CD69: variants seen among roughly 807,000 people sequenced by gnomAD.
CD69 encodes early activation antigen CD69.
A neutral mutation model predicts 21.4 loss-of-function variants in CD69; 10 were observed. The observed-to-expected ratio is 0.47, with a 90% CI of 0.29 to 0.79. CD69 has a LOEUF of 0.79. CD69 is among the 30% of genes least tolerant of loss of function. The probability of loss-of-function intolerance (pLI) is 0.09; values close to 1 mark genes in which losing one functional copy is unlikely to be tolerated. For missense variants in CD69, 204 were observed against 236.9 expected, an observed-to-expected ratio of 0.86 and a Z score of 0.91; for synonymous variants, 63 against 78.2, an observed-to-expected ratio of 0.81 and a Z score of 1.03.
In CD69 at chr12:9,753,471, T is replaced by C. The variant is rs1051065; in HGVS notation, c.*10A>G. The C allele has an allele frequency of 0.73, 828,002 of 1,137,874 alleles. 307,453 individuals are homozygous for C. Among genetic ancestry groups the C allele is most frequent in the East Asian group, 0.97 (40,764 of 42,152 alleles). 70.5% of individuals were successfully genotyped at this position (1,137,874 alleles called of 1,614,324 possible). A position where few individuals can be genotyped will look rare whatever the true frequency, so the allele number is the denominator to read the frequency against. ...TTCTATAATAGTCAATAAGTGAACA[T>C]GTTTCCTTATTATTTGTAAGGTTTG... On this transcript the variant is annotated 3_prime_UTR_variant, in exon 5 of 5. Coordinates refer to ENST00000228434, the MANE Select transcript of CD69 (RefSeq NM_001781.2).
intron 1 of CD69, among the ~76,000 whole-genome samples, chr12:9,759,447 G>C (rs958305839): frequency 2.0e-5 from 3 of 151,412 alleles, no homozygotes; most frequent in South Asian, 4.2e-4. Context: ...TTCTGTATTA[G>C]GTCCTTCTTT....
chr12:9,753,412 C>A lies in CD69; in HGVS notation c.*69G>T. On this transcript the variant is annotated 3_prime_UTR_variant, in exon 5 of 5. Coordinates refer to ENST00000228434, the MANE Select transcript of CD69 (RefSeq NM_001781.2). The stretch of plus-strand genomic sequence containing the variant: ...CTATGGAAGACTTCGGACCACAGAG[C>A]AGCATCCACTGACACAGATTTCCTT... The A allele has an allele frequency of 1.5e-6, 1 of 661,314 alleles. No individual in the cohort carries two copies. The highest frequency in any genetic ancestry group is 2.1e-5 in the South Asian group (1 of 48,110). The allele number at this position is 661,314 out of a possible 1,614,324, so 41.0% of individuals were successfully genotyped here.
intron 3 of CD69, 89 bp downstream of exon 3, chr12:9,754,973 G>T: frequency 9.0e-7 from 1 of 1,107,556 alleles, no homozygotes. Context: ...TTGTTTGTTT[G>T]TTTGTTTTCT....
intron 1 of CD69, among the ~76,000 whole-genome samples, chr12:9,759,054 T>G (rs186692222): frequency 1.3e-5 from 2 of 152,028 alleles, no homozygotes; most frequent in African/African-American, 4.8e-5. Flanking sequence ...CTCAGCCTCC[T>G]AAGTAGCTGG....
At chr12:9,755,338 G>T in intron 2 of CD69, 77 bp from the exon 3 acceptor site, 3 of 1,130,170 alleles carry the variant, frequency 2.7e-6, no homozygotes, top group East Asian at 4.7e-5. Context: ...GCCTTAGGAT[G>T]CTATGTTGTG....
intron 1 of CD69, among the ~76,000 whole-genome samples, chr12:9,759,527 C>A (rs766775804): frequency 6.6e-6 from 1 of 150,714 alleles, no homozygotes; most frequent in Admixed American, 6.6e-5. Context: ...TGGCGGCACA[C>A]CTGTGCCGTA....
chr12:9,752,880 T>C lies in CD69; in HGVS notation c.*601A>G, dbSNP rs7484445. The C allele has an allele frequency of 0.88, 133,907 of 152,552 alleles. 61,412 individuals carry two copies. Among genetic ancestry groups the C allele is most frequent in the East Asian group, 1 (5,188 of 5,188 alleles). The allele number at this position is 152,552 out of a possible 1,614,324, so 9.4% of individuals were successfully genotyped here. A position where few individuals can be genotyped will look rare whatever the true frequency, so the allele number is the denominator to read the frequency against. ...CTGAGGAAGTAAAAAAATAAATACA[T>C]GATCATCCCATTCTTTTTGGGGAAA... On this transcript the variant is annotated 3_prime_UTR_variant, in exon 5 of 5. Coordinates refer to ENST00000228434, the MANE Select transcript of CD69 (RefSeq NM_001781.2).
rs892283496 is a variant in CD69, at chr12:9,759,130, C to T, written c.64+1627G>A. 3.9e-5 allele frequency among the ~76,000 whole-genome samples: 6 copies of T among 152,074 alleles called. No individual in the cohort carries two copies. The East Asian group carries it at 7.7e-4, about 20-fold the overall frequency. On this transcript the variant is annotated intron_variant, in intron 1 of 4. Coordinates refer to ENST00000228434, the MANE Select transcript of CD69 (RefSeq NM_001781.2). The stretch of plus-strand genomic sequence containing the variant: ...ATTTTTAGTACAGACGGGGTTTCAT[C>T]GTGTTAGCCAGGATGGTCTCCATCT...
At chr12:9,759,022 C>T (rs1367627772) in intron 1 of CD69, among the ~76,000 whole-genome samples, 4 of 151,934 alleles carry the variant, frequency 2.6e-5, no homozygotes, top group African/African-American at 4.8e-5. Flanking sequence ...CTCCGCCTCC[C>T]GGGTTCACGC....
At chr12:9,755,537 G>GA (rs2121099000) in intron 2 of CD69, among the ~76,000 whole-genome samples, 1 of 152,286 alleles carries the variant, frequency 6.6e-6, no homozygotes, top group South Asian at 2.1e-4. Flanking sequence ...GAACAATTCT[G>GA]AAAATTTGGA....
At chr12:9,758,374 T>C (rs375798237) in intron 1 of CD69, among the ~76,000 whole-genome samples, 19 of 152,156 alleles carry the variant, frequency 1.2e-4, no homozygotes, top group East Asian at 5.8e-4. Context: ...TAGAAAACAT[T>C]CTATTTTTCA....
chr12:9,757,272 A>G (rs1866687386), intron 1 of CD69, among the ~76,000 whole-genome samples: 1 of 152,162 alleles, frequency 6.6e-6, no homozygotes, highest in African/African-American at 2.4e-5. Context: ...TTTTTTGGTG[A>G]AGTTGCTGCA....
chr12:9,758,737 T>A (rs1866702699), intron 1 of CD69, among the ~76,000 whole-genome samples: 1 of 152,152 alleles, frequency 6.6e-6, no homozygotes, highest in African/African-American at 2.4e-5. Flanking sequence ...CTGTCTGGTT[T>A]CACTTCACAT....
rs375882866 is a variant in CD69 at position 9,756,655 on chromosome 12, T to G, written c.65-236A>C. On this transcript the variant is annotated intron_variant, in intron 1 of 4. Coordinates refer to ENST00000228434, the MANE Select transcript of CD69 (RefSeq NM_001781.2). ...CATAATGATGAGATTATAAAGTGTC[T>G]CCCCAAAATATTTACCTGACACATA... Among the ~76,000 whole-genome samples the G allele has an allele frequency of 3.3e-5, 5 of 152,108 alleles. No homozygotes were observed. The East Asian group carries it at 9.6e-4, about 29-fold the overall frequency.
rs1021149158 is a variant in CD69 at position 9,753,336 on chromosome 12, T to C, written c.*145A>G. 83 of 435,660 alleles carry C rather than the reference T, an allele frequency of 1.9e-4. 1 individual carries two copies. In the East Asian group the frequency reaches 3.0e-3, roughly 16 times the overall value. 27.0% of individuals were successfully genotyped at this position (435,660 alleles called of 1,614,324 possible). On this transcript the variant is annotated 3_prime_UTR_variant, in exon 5 of 5. Transcript: ENST00000228434. The stretch of plus-strand genomic sequence containing the variant: ...ATTTCTTCCTTTTTTTCCATAGTTC[T>C]GTTTGGAAGAAAATTCCCAAGACAC...
chr12:9,759,113 T>C lies in CD69; in HGVS notation c.64+1644A>G, dbSNP rs1311798387. Among the ~76,000 whole-genome samples the C allele has an allele frequency of 2.0e-5, 3 of 152,200 alleles. No homozygotes were observed. In the East Asian group the frequency reaches 5.8e-4, roughly 29 times the overall value. On this transcript the variant is annotated intron_variant, in intron 1 of 4. Transcript: ENST00000228434. ...CCCGGCTAACTTTTTGTATTTTTAG[T>C]ACAGACGGGGTTTCATCGTGTTAGC... is the stretch of plus-strand genomic sequence containing the variant.
chr12:9,756,521 C>T, intron 1 of CD69, 102 bp from the exon 2 acceptor site: 1 of 954,354 alleles, frequency 1.0e-6, no homozygotes, highest in Non-Finnish European at 1.5e-6. Flanking sequence ...TTTCCTATCT[C>T]ATTATATGAA....
At chr12:9,756,541 TC>T (rs1477806487) in intron 1 of CD69, 122 bp from the exon 2 acceptor site, 1 of 796,752 alleles carries the variant, frequency 1.3e-6, no homozygotes. Flanking sequence ...AATTTCCCCG[TC>T]TCTTTATAGA....
At chr12:9,754,280 G>A (rs1866657062) in intron 4 of CD69, 2 of 185,432 alleles carry the variant, frequency 1.1e-5, no homozygotes, top group Non-Finnish European at 2.2e-5. Context: ...TTGAAAATGG[G>A]TTTTTGTTGC....
Sources: allele counts gnomAD v4.1 joint callset (sites outside exome capture counted in the v4.1 genomes callset), GRCh38; gene constraint gnomAD v4.1.1; transcripts MANE v1.5; gene names NCBI Gene and HGNC (gene_info 2026-07-23, HGNC 2026-07-21).